The following SOS2 variants were observed in gnomAD, a reference collection of about 807,000 sequenced individuals.
SOS2 encodes the protein son of sevenless homolog 2.
SOS2 carries 65 observed loss-of-function variants against 148.2 expected under a neutral mutation model. The ratio of observed to expected loss-of-function variants is 0.44; its 90% CI spans 0.36 to 0.54. The LOEUF is 0.54. SOS2 is among the 20% of genes least tolerant of loss of function. SOS2 has a pLI of 0.00. For missense variants in SOS2, 1,341 were observed against 1,590.2 expected (o/e 0.84, Z 2.67); for synonymous variants, 539 against 537.1 (o/e 1.00, Z -0.05).
chr14:50,140,179 A>G lies in SOS2; in HGVS notation c.2668-120T>C, dbSNP rs2024808. On this transcript the variant is annotated intron_variant, in intron 16 of 22. Coordinates refer to ENST00000216373, the MANE Select transcript of SOS2 (RefSeq NM_006939.4). ...CTGGAAAACAATTTTTTTACATTAA[A>G]AGATGAGTGGTATTCCTTTGTACAC... 0.88 allele frequency: 501,283 copies of G among 570,706 alleles called. 220,920 individuals carry two copies. Among genetic ancestry groups the G allele is most frequent in the African/African-American group, 0.95 (50,857 of 53,398 alleles). 35.4% of individuals were successfully genotyped at this position (570,706 alleles called of 1,614,324 possible). A position where few individuals can be genotyped will look rare whatever the true frequency, so the allele number is the denominator to read the frequency against.
Position 50,201,068 on chromosome 14 carries a change from G to C in SOS2, c.230C>G (p.Thr77Ser), listed in dbSNP as rs565261873. ...CCATTTATCAATTGGGTGAGGAAAG[G>C]TCTTCTGAACTCGCTCCTGCTCAAT... ...VQDVEERVQK[T>S]FPHPIDKWAI... The change falls in exon 3 of 23, where the codon ACC (threonine) becomes AGC (serine). Residue 77 changes from threonine (T) to serine (S), a missense_variant. By Grantham distance (58) the Thr-to-Ser change is moderately conservative (BLOSUM62 1). Coordinates refer to ENST00000216373, the MANE Select transcript of SOS2 (RefSeq NM_006939.4). The C allele has an allele frequency of 8.7e-6, 14 of 1,613,774 alleles. No individual in the cohort carries two copies. The South Asian group carries it at 1.1e-4, about 13-fold the overall frequency.
chr14:50,196,977 C>T (rs117632488), intron 4 of SOS2, among the ~76,000 whole-genome samples: 2,369 of 152,140 alleles, frequency 0.016, 26 homozygotes, highest in Non-Finnish European at 0.024. Flanking sequence ...CAGTGATTCT[C>T]CCACCTCAGC....
intron 5 of SOS2, 90 bp from the exon 6 acceptor site, chr14:50,182,696 G>T: frequency 1.0e-6 from 1 of 990,212 alleles, no homozygotes; most frequent in Non-Finnish European, 1.5e-6. Context: ...GGCTACTCGA[G>T]GCAGACTGCC....
chr14:50,183,652 G>C (rs1262064119), intron 5 of SOS2, among the ~76,000 whole-genome samples: 1 of 152,154 alleles, frequency 6.6e-6, no homozygotes, highest in Non-Finnish European at 1.5e-5. Flanking sequence ...GATGCTAAAA[G>C]ACTTGATCAA....
At chr14:50,217,733 G>T (rs938601726) in intron 1 of SOS2, among the ~76,000 whole-genome samples, 2 of 152,058 alleles carry the variant, frequency 1.3e-5, no homozygotes, top group African/African-American at 4.8e-5. Context: ...GAGGCCGGTG[G>T]ATCACGAGGT....
rs780095613 is a variant in SOS2 at position 50,159,642 on chromosome 14, A to C, written c.1641T>G (p.Thr547=). The C allele has an allele frequency of 6.2e-7, 1 of 1,613,814 alleles. No homozygotes were observed. Among genetic ancestry groups the C allele is most frequent in the South Asian group, 1.1e-5 (1 of 91,076 alleles). The change falls in exon 10 of 23, where the codon ACT becomes ACG. Residue 547 remains threonine (T), a synonymous_variant. Coordinates refer to ENST00000216373, the MANE Select transcript of SOS2 (RefSeq NM_006939.4). ...ATACTGAATCTAACATTCGATCTAGAGTACTACGATAATGAAGAGAAATAA... is the reference window on the plus strand; with the variant it reads ...ATACTGAATCTAACATTCGATCTAGCGTACTACGATAATGAAGAGAAATAA... ...AALISLHYRS[T]LDRMLDSVLL...
intron 8 of SOS2, among the ~76,000 whole-genome samples, chr14:50,164,937 C>T (rs1471120635): frequency 2.0e-5 from 3 of 152,170 alleles, no homozygotes; most frequent in African/African-American, 7.2e-5. Context: ...TCACATGCTT[C>T]ATCATTCTGT....
intron 1 of SOS2, among the ~76,000 whole-genome samples, chr14:50,222,091 T>TA (rs1297470207): frequency 6.6e-6 from 1 of 152,188 alleles, no homozygotes; most frequent in Non-Finnish European, 1.5e-5. Flanking sequence ...TGTGTATTTT[T>TA]AAAAAATGAT....
chr14:50,223,144 A>T (rs904139243), intron 1 of SOS2, among the ~76,000 whole-genome samples: 3 of 152,240 alleles, frequency 2.0e-5, no homozygotes, highest in African/African-American at 7.2e-5. Context: ...GGAAGGATGG[A>T]GTAGCCATTT....
intron 5 of SOS2, among the ~76,000 whole-genome samples, chr14:50,184,836 C>T (rs1399242874): frequency 2.8e-5 from 4 of 140,574 alleles, no homozygotes; most frequent in African/African-American, 8.1e-5. Flanking sequence ...TGCACTTAAG[C>T]CTGGGCAACA....
At chr14:50,200,202 A>C (rs1886443658) in intron 3 of SOS2, among the ~76,000 whole-genome samples, 1 of 152,110 alleles carries the variant, frequency 6.6e-6, no homozygotes, top group African/African-American at 2.4e-5. Context: ...TCTGCTTTAA[A>C]ACCAGTATCC....
At chr14:50,231,102 G>C in intron 1 of SOS2, 95 bp downstream of exon 1, 1 of 701,880 alleles carries the variant, frequency 1.4e-6, no homozygotes, top group Non-Finnish European at 2.0e-6. Context: ...GCTCGGCCCC[G>C]GGGACTCGAG....
chr14:50,215,777 A>G (rs1887026093), intron 1 of SOS2, among the ~76,000 whole-genome samples: 1 of 152,242 alleles, frequency 6.6e-6, no homozygotes, highest in Admixed American at 6.5e-5. Flanking sequence ...ATGTGTAGAC[A>G]CACACAAAAG....
intron 1 of SOS2, among the ~76,000 whole-genome samples, chr14:50,229,259 C>A (rs2355884): frequency 6.6e-6 from 1 of 151,978 alleles, no homozygotes; most frequent in African/African-American, 2.4e-5. Context: ...ATTTTCCATA[C>A]GTATGTATTT....
chr14:50,214,022 A>G (rs1027645241), intron 1 of SOS2, among the ~76,000 whole-genome samples: 1 of 152,196 alleles, frequency 6.6e-6, no homozygotes, highest in Admixed American at 6.5e-5. Flanking sequence ...TTAGAAATAT[A>G]GAAGTAAATA....
intron 5 of SOS2, among the ~76,000 whole-genome samples, chr14:50,187,265 G>A (rs1398412103): frequency 6.6e-6 from 1 of 151,820 alleles, no homozygotes; most frequent in East Asian, 1.9e-4. Context: ...TCCTGTCTCA[G>A]GTTCCCAAAA....
At chr14:50,158,696 A>G in intron 10 of SOS2, 50 bp from the exon 11 acceptor site, 1 of 1,186,396 alleles carries the variant, frequency 8.4e-7, no homozygotes, top group Non-Finnish European at 1.2e-6. Context: ...TATTCAGTTT[A>G]ATTAACTCAA....
At chr14:50,182,655 T>TA in intron 5 of SOS2, 49 bp from the exon 6 acceptor site, 1 of 1,490,314 alleles carries the variant, frequency 6.7e-7, no homozygotes, top group East Asian at 2.3e-5. Context: ...AGAATTCTGC[T>TA]AAAAAATTAC....
At chr14:50,219,134 T>C (rs912978097) in intron 1 of SOS2, among the ~76,000 whole-genome samples, 3 of 151,612 alleles carry the variant, frequency 2.0e-5, no homozygotes, top group Non-Finnish European at 4.4e-5. Context: ...AAGTTAAGCA[T>C]CCACCTACTA....
Sources: gnomAD v4.1 joint callset for allele counts (sites outside exome capture counted in the v4.1 genomes callset) on GRCh38, gnomAD v4.1.1 for gene constraint, MANE v1.5 for transcripts, NCBI Gene and HGNC (gene_info 2026-07-23, HGNC 2026-07-21) for gene names.